Variants in CCNY observed in about 807,000 individuals in gnomAD.
CCNY encodes the protein cyclin-Y.
Under a neutral mutation model 42.8 loss-of-function variants are expected in CCNY, and 19 were observed. That is an observed-to-expected ratio of 0.44 (90% CI 0.31 to 0.65). CCNY has a LOEUF of 0.65. CCNY is among the 30% of genes least tolerant of loss of function. CCNY has a pLI of 0.07. For missense variants in CCNY, 370 were observed against 437.3 expected (o/e 0.85, Z 1.37); for synonymous variants, 165 against 162.7 (o/e 1.01, Z -0.11).
At chr10:35,352,921 T>C (rs1187723318) in intron 1 of CCNY, among the ~76,000 whole-genome samples, 1 of 152,110 alleles carries the variant, frequency 6.6e-6, no homozygotes, top group Non-Finnish European at 1.5e-5. Flanking sequence ...TATGTTCCTT[T>C]TTTCTTTCTT....
chr10:35,317,668 A>T (rs571239343), intron 3 of CCNY, among the ~76,000 whole-genome samples: 1 of 152,176 alleles, frequency 6.6e-6, no homozygotes, highest in Non-Finnish European at 1.5e-5. Context: ...ACATTTCATA[A>T]ATCCTGGCCA....
intron 5 of CCNY, among the ~76,000 whole-genome samples, chr10:35,528,078 C>T (rs1488100383): frequency 1.3e-5 from 2 of 152,130 alleles, no homozygotes; most frequent in African/African-American, 4.8e-5. Flanking sequence ...TTCAGGGGCT[C>T]TCATTCTCCA....
At chr10:35,307,804 A>G (rs771299977) in intron 3 of CCNY, among the ~76,000 whole-genome samples, 902 of 43,718 alleles carry the variant, frequency 0.021, 6 homozygotes, top group Non-Finnish European at 0.034. Flanking sequence ...GTGTGTGTAT[A>G]TATATATATA....
At chr10:35,542,263 T>A (rs1015204476) in intron 7 of CCNY, among the ~76,000 whole-genome samples, 1 of 151,538 alleles carries the variant, frequency 6.6e-6, no homozygotes, top group African/African-American at 2.4e-5. Context: ...GTCTGACGTT[T>A]TTGTCATGAT....
intron 3 of CCNY, among the ~76,000 whole-genome samples, chr10:35,263,082 C>T (rs921649051): frequency 6.6e-6 from 1 of 151,962 alleles, no homozygotes; most frequent in Non-Finnish European, 1.5e-5. Context: ...ATTAGCCGGG[C>T]ACGGTGGCTC....
chr10:35,260,932 G>A (rs144532937), intron 3 of CCNY, among the ~76,000 whole-genome samples: 189 of 152,212 alleles, frequency 1.2e-3, no homozygotes, highest in Middle Eastern at 6.8e-3. Flanking sequence ...GCAACCTTGT[G>A]AGACCCCGTC....
intron 1 of CCNY, among the ~76,000 whole-genome samples, chr10:35,344,297 G>A (rs1255246913): frequency 6.6e-6 from 1 of 152,192 alleles, no homozygotes; most frequent in African/African-American, 2.4e-5. Context: ...CCTTGTAATG[G>A]GAAGACCCGC....
At chr10:35,352,144 T>G (rs1483023500) in intron 1 of CCNY, among the ~76,000 whole-genome samples, 2 of 152,222 alleles carry the variant, frequency 1.3e-5, no homozygotes. Flanking sequence ...AAAAACTGAT[T>G]GCAAAGCTGT....
intron 1 of CCNY, among the ~76,000 whole-genome samples, chr10:35,468,997 CCT>C (rs939396718): frequency 6.6e-6 from 1 of 152,212 alleles, no homozygotes; most frequent in African/African-American, 2.4e-5. Context: ...AGTTCCAACT[CCT>C]GTGTTATATC....
chr10:35,424,832 G>T (rs977290847), intron 1 of CCNY, among the ~76,000 whole-genome samples: 1 of 152,194 alleles, frequency 6.6e-6, no homozygotes, highest in Non-Finnish European at 1.5e-5. Flanking sequence ...AGTCCCTGAC[G>T]CTGTTGCCAA....
chr10:35,507,481 A>T (rs1840238266), intron 3 of CCNY, among the ~76,000 whole-genome samples: 1 of 152,156 alleles, frequency 6.6e-6, no homozygotes, highest in East Asian at 1.9e-4. Context: ...GGTTGTCTGC[A>T]TTCTGCCTTT....
At chr10:35,509,298 C>A (rs1335242694) in intron 3 of CCNY, among the ~76,000 whole-genome samples, 1 of 152,064 alleles carries the variant, frequency 6.6e-6, no homozygotes, top group Non-Finnish European at 1.5e-5. Context: ...GGTAGGGGGT[C>A]AGAGTCTTGC....
rs778460622 is a variant in CCNY at position 35,572,572 on chromosome 10, C to T, written c.*3402C>T. On this transcript the variant is annotated 3_prime_UTR_variant, in exon 10 of 10. Transcript: ENST00000374704. ...TGAGATTACAGGCGTGAGCCACTGC[C>T]CCTGGCCCAGATTTGAAATTTTTTA... is the stretch of plus-strand genomic sequence containing the variant. The T allele has an allele frequency of 2.0e-5, 3 of 152,098 alleles. No individual in the cohort carries two copies. The highest frequency in any genetic ancestry group is 1.9e-4 in the East Asian group (1 of 5,190). 9.4% of individuals were successfully genotyped at this position (152,098 alleles called of 1,614,324 possible).
At chr10:35,435,828 G>A (rs1838517796) in intron 1 of CCNY, among the ~76,000 whole-genome samples, 1 of 152,190 alleles carries the variant, frequency 6.6e-6, no homozygotes, top group African/African-American at 2.4e-5. Flanking sequence ...AGGTATTGGT[G>A]AGAATTAAAT....
At chr10:35,302,032 C>T (rs908455082) in intron 3 of CCNY, among the ~76,000 whole-genome samples, 10 of 151,780 alleles carry the variant, frequency 6.6e-5, no homozygotes, top group African/African-American at 2.2e-4. Context: ...GGCGTGATCT[C>T]GGCTCACTGC....
intron 3 of CCNY, among the ~76,000 whole-genome samples, chr10:35,264,413 C>CTA (rs2095722832): frequency 2.0e-5 from 3 of 152,246 alleles, no homozygotes; most frequent in Non-Finnish European, 2.9e-5. Flanking sequence ...AATGGTTGAA[C>CTA]TAATATACAT....
intron 3 of CCNY, among the ~76,000 whole-genome samples, chr10:35,307,715 T>TAC (rs1229366695): frequency 2.7e-5 from 4 of 150,694 alleles, no homozygotes; most frequent in South Asian, 2.1e-4. Context: ...TGTATATATA[T>TAC]ACACACACAC....
intron 1 of CCNY, among the ~76,000 whole-genome samples, chr10:35,404,541 G>A (rs1837715498): frequency 6.6e-6 from 1 of 152,118 alleles, no homozygotes; most frequent in African/African-American, 2.4e-5. Context: ...AGGGAAACAG[G>A]CCCTTGAAAA....
At chr10:35,375,158 C>T (rs924018876) in intron 1 of CCNY, among the ~76,000 whole-genome samples, 4 of 152,102 alleles carry the variant, frequency 2.6e-5, no homozygotes, top group Admixed American at 2.0e-4. Flanking sequence ...AAACAACACA[C>T]ATTTATTATT....
Sources: allele counts gnomAD v4.1 joint callset (sites outside exome capture counted in the v4.1 genomes callset), GRCh38; gene constraint gnomAD v4.1.1; transcripts MANE v1.5; gene names NCBI Gene and HGNC (gene_info 2026-07-23, HGNC 2026-07-21).